FREM2: variants seen among roughly 807,000 people sequenced by gnomAD.
The protein encoded by FREM2 is FRAS1-related extracellular matrix protein 2.
In FREM2, 119 loss-of-function variants were observed where a neutral mutation model predicts 219.9. That is an observed-to-expected ratio of 0.54 (90% confidence interval 0.47 to 0.63). The LOEUF (loss-of-function observed/expected upper bound fraction) is 0.63, where lower values mean the gene tolerates loss of function less well. Ranked by LOEUF, FREM2 falls within the 30% of genes least tolerant of loss-of-function variation. FREM2 has a pLI of 0.00. For missense variants in FREM2, 4,030 were observed against 3,993.6 expected (o/e 1.01, Z -0.25); for synonymous variants, 1,562 against 1,522.8 (o/e 1.03, Z -0.60).
chr13:38,880,664 CA>C lies in FREM2; in HGVS notation c.9388del (p.Ile3130LeufsTer4). 1 of 1,614,172 alleles carries C rather than the reference CA, an allele frequency of 6.2e-7. No individual in the cohort carries two copies. The highest frequency in any genetic ancestry group is 8.5e-7 in the Non-Finnish European group (1 of 1,180,032). On this transcript the variant is annotated frameshift_variant, in exon 24 of 24. Coordinates refer to ENST00000280481, the MANE Select transcript of FREM2 (RefSeq NM_207361.6). LOFTEE classifies it low-confidence loss of function (END_TRUNC). Reference sequence around the variant, plus strand: ...GGTTACTCACCATCTGCCTCACTGTCATTGCAGTGCTGATGTGCAGGGGCAA... The same window carrying C: ...GGTTACTCACCATCTGCCTCACTGTCTTGCAGTGCTGATGTGCAGGGGCAA... Reference protein sequence around the residue: ...VGLLTICLTVIAVLMCRGKES... With the variant: ...VGLLTICLTVXAVLMCRGKES...
chr13:38,743,740 T>G (rs1287736868), intron 2 of FREM2, among the ~76,000 whole-genome samples: 1 of 152,158 alleles, frequency 6.6e-6, no homozygotes, highest in African/African-American at 2.4e-5. Flanking sequence ...TCCACTAGCT[T>G]AATCCTTACT....
intron 2 of FREM2, among the ~76,000 whole-genome samples, chr13:38,749,690 T>C (rs1190096532): frequency 1.3e-5 from 2 of 151,748 alleles, no homozygotes; most frequent in Non-Finnish European, 2.9e-5. Flanking sequence ...CTTCACCCCC[T>C]CCCCAACTTG....
At chr13:38,831,091 G>A (rs889575147) in intron 6 of FREM2, among the ~76,000 whole-genome samples, 3 of 152,106 alleles carry the variant, frequency 2.0e-5, no homozygotes, top group Admixed American at 6.5e-5. Flanking sequence ...ACTGTAAATT[G>A]CACCTCACTG....
intron 2 of FREM2, among the ~76,000 whole-genome samples, chr13:38,711,921 T>C (rs2496436): frequency 0.49 from 67,554 of 137,816 alleles, 18,470 homozygotes; most frequent in Non-Finnish European, 0.63. Flanking sequence ...TTCTTTTTTT[T>C]TTTTTTTTTT....
chr13:38,815,034 C>A (rs1875710278), intron 6 of FREM2, among the ~76,000 whole-genome samples: 1 of 152,170 alleles, frequency 6.6e-6, no homozygotes, highest in Non-Finnish European at 1.5e-5. Flanking sequence ...CTCAGGGACC[C>A]TAAGGGCCTG....
intron 6 of FREM2, among the ~76,000 whole-genome samples, chr13:38,812,179 G>T (rs9576625): frequency 2.0e-5 from 3 of 151,950 alleles, no homozygotes; most frequent in African/African-American, 7.2e-5. Context: ...TTCAGTCTAT[G>T]TGTATCTTTA....
intron 2 of FREM2, among the ~76,000 whole-genome samples, chr13:38,753,809 C>G (rs1872872977): frequency 1.3e-5 from 2 of 152,130 alleles, no homozygotes; most frequent in Admixed American, 6.5e-5. Context: ...TAAGTGTAAG[C>G]TCCCAATTAG....
In FREM2 at chr13:38,691,567, G is replaced by A. The variant is rs980557448; in HGVS notation, c.4223G>A (p.Arg1408His). The A allele has an allele frequency of 5.6e-6, 9 of 1,614,100 alleles. No individual in the cohort carries two copies. The highest frequency in any genetic ancestry group is 2.2e-5 in the South Asian group (2 of 91,064). The change falls in exon 1 of 24, where the codon CGT becomes CAT. Residue 1408 changes from arginine (R) to histidine (H), a missense_variant. By Grantham distance (29) the Arg-to-His change is conservative. Around this residue, in one of 2 missense-constraint regions of FREM2, gnomAD observed 3,102 missense variants for 2,950.7 expected, o/e 1.05. Coordinates refer to ENST00000280481, the MANE Select transcript of FREM2 (RefSeq NM_207361.6). ...GATGGAATAAATCCCCTCATAGATC[G>A]TTACTTTTATGTGTCCATCGGGAGC... Reference protein sequence around the residue: ...VTDGINPLIDRYFYVSIGSID... With the variant: ...VTDGINPLIDHYFYVSIGSID...
At chr13:38,814,939 G>A (rs930095443) in intron 6 of FREM2, among the ~76,000 whole-genome samples, 1 of 152,168 alleles carries the variant, frequency 6.6e-6, no homozygotes, top group Non-Finnish European at 1.5e-5. Context: ...AATGCTGGCA[G>A]GCACAGGACT....
At chr13:38,769,489 A>G in intron 3 of FREM2, 89 bp from the exon 4 acceptor site, 2 of 1,203,574 alleles carry the variant, frequency 1.7e-6, no homozygotes, top group Admixed American at 3.9e-5. Context: ...GCTTTTCAGG[A>G]TAAAATGACA....
intron 4 of FREM2, 30 bp from the exon 5 acceptor site, chr13:38,783,040 A>G: frequency 6.2e-7 from 1 of 1,612,114 alleles, no homozygotes; most frequent in Non-Finnish European, 8.5e-7. Context: ...TCAGACAAAA[A>G]TAATGCTTGC....
At chr13:38,799,960 A>G (rs1229280625) in intron 6 of FREM2, among the ~76,000 whole-genome samples, 3 of 151,976 alleles carry the variant, frequency 2.0e-5, no homozygotes, top group Admixed American at 6.6e-5. Flanking sequence ...AATTTAATCA[A>G]TTTTCTTCCA....
At chr13:38,855,217 G>GA (rs1020746841) in intron 11 of FREM2, among the ~76,000 whole-genome samples, 3 of 151,618 alleles carry the variant, frequency 2.0e-5, no homozygotes, top group South Asian at 4.1e-4. Context: ...AGGGTGAAGG[G>GA]AAAAAAATCA....
chr13:38,812,962 CT>C (rs1391116401), intron 6 of FREM2, among the ~76,000 whole-genome samples: 1 of 151,210 alleles, frequency 6.6e-6, no homozygotes, highest in Non-Finnish European at 1.5e-5. Context: ...AACTTCACCC[CT>C]GCCCCTGCCA....
intron 2 of FREM2, among the ~76,000 whole-genome samples, chr13:38,714,021 C>G (rs1870883489): frequency 6.6e-6 from 1 of 152,156 alleles, no homozygotes; most frequent in Admixed American, 6.6e-5. Context: ...GCTTGGAAAC[C>G]AGGATCTGTG....
intron 6 of FREM2, among the ~76,000 whole-genome samples, chr13:38,823,207 T>A (rs1378951594): frequency 6.6e-6 from 1 of 152,028 alleles, no homozygotes; most frequent in Non-Finnish European, 1.5e-5. Flanking sequence ...CTTATTATTT[T>A]TCCTCGTCTG....
intron 6 of FREM2, among the ~76,000 whole-genome samples, chr13:38,794,930 T>C (rs991327936): frequency 3.3e-5 from 5 of 152,192 alleles, no homozygotes; most frequent in Non-Finnish European, 5.9e-5. Context: ...CTTTATGATA[T>C]AGGTATAAGT....
In FREM2 at chr13:38,688,878, C is replaced by G; in HGVS notation, c.1534C>G (p.Leu512Val). The change falls in exon 1 of 24, where the codon CTG becomes GTG. Residue 512 changes from leucine (L) to valine (V), a missense_variant. Physicochemically the swap from Leu to Val is conservative, Grantham distance 32. This residue lies in a region of FREM2 where 3,102 missense variants were observed against 2,950.7 expected (regional missense o/e 1.05). Transcript: ENST00000280481. ...SAPKSFTVAE[L>V]AAGQVVYQHD... is the part of the protein sequence containing the mutation. Reference sequence around the variant, plus strand: ...TCCCAAGAGCTTTACAGTGGCTGAGCTGGCAGCCGGCCAGGTGGTCTACCA... The same window carrying G: ...TCCCAAGAGCTTTACAGTGGCTGAGGTGGCAGCCGGCCAGGTGGTCTACCA... 1 of 1,613,192 alleles carries G rather than the reference C, an allele frequency of 6.2e-7. No individual in the cohort carries two copies. Among genetic ancestry groups the G allele is most frequent in the South Asian group, 1.1e-5 (1 of 91,002 alleles).
intron 6 of FREM2, among the ~76,000 whole-genome samples, chr13:38,794,082 G>A (rs1315919944): frequency 1.3e-5 from 2 of 152,136 alleles, no homozygotes; most frequent in African/African-American, 4.8e-5. Flanking sequence ...TGTGCTAGAG[G>A]CATTGTGACA....
Sources: gnomAD v4.1 joint callset for allele counts (sites outside exome capture counted in the v4.1 genomes callset) on GRCh38, gnomAD v4.1.1 for gene constraint, gnomAD v4.1.1 regional missense constraint, MANE v1.5 for transcripts, NCBI Gene and HGNC (gene_info 2026-07-23, HGNC 2026-07-21) for gene names.